The following VWA8 variants were observed in gnomAD, a reference collection of about 807,000 sequenced individuals.
VWA8 encodes the protein von Willebrand factor A domain containing 8, also known as von Willebrand factor A domain-containing protein 8.
Under a neutral mutation model 241.5 loss-of-function variants are expected in VWA8, and 221 were observed. The ratio of observed to expected loss-of-function variants is 0.91; its 90% CI spans 0.82 to 1.02. The LOEUF is 1.02. VWA8 is among the 50% of genes least tolerant of loss of function. The probability of loss-of-function intolerance (pLI) is 0.00; values close to 1 mark genes in which losing one functional copy is unlikely to be tolerated. For missense variants in VWA8, 2,322 were observed against 2,328.7 expected (o/e 1.00, Z 0.06); for synonymous variants, 852 against 827.1 (o/e 1.03, Z -0.52).
intron 2 of VWA8, among the ~76,000 whole-genome samples, chr13:41,918,211 TCAG>T (rs1876349531): frequency 6.6e-6 from 1 of 152,288 alleles, no homozygotes; most frequent in Admixed American, 6.5e-5. Flanking sequence ...ATATAAAACA[TCAG>T]CTTACGTAGC....
intron 43 of VWA8, 24 bp from the exon 44 acceptor site, chr13:41,570,730 A>G (rs1308509008): frequency 1.2e-6 from 2 of 1,600,802 alleles, no homozygotes; most frequent in South Asian, 1.1e-5. Context: ...AAGTTGCACA[A>G]AAGCCATGGC....
intron 44 of VWA8, among the ~76,000 whole-genome samples, chr13:41,569,327 C>A (rs1380148890): frequency 2.0e-5 from 3 of 152,172 alleles, no homozygotes; most frequent in Admixed American, 1.3e-4. Flanking sequence ...TTGTTGTCTG[C>A]CTAATACTGG....
intron 42 of VWA8, among the ~76,000 whole-genome samples, chr13:41,577,783 A>G (rs1010043164): frequency 1.3e-5 from 2 of 152,224 alleles, no homozygotes; most frequent in African/African-American, 4.8e-5. Context: ...CTGAGGTAAG[A>G]GGGCTATGAA....
At chr13:41,664,999 GT>G (rs2044977269) in intron 37 of VWA8, among the ~76,000 whole-genome samples, 1 of 152,074 alleles carries the variant, frequency 6.6e-6, no homozygotes, top group African/African-American at 2.4e-5. Context: ...AAGCTGACAG[GT>G]TTAGGCAAAG....
chr13:41,703,416 T>TTAC lies in VWA8; in HGVS notation c.3117-6_3117-5insGTA. The TTAC allele has an allele frequency of 1.2e-6, 2 of 1,612,704 alleles. No individual in the cohort carries two copies. The highest frequency in any genetic ancestry group is 1.7e-6 in the Non-Finnish European group (2 of 1,179,084). On this transcript the variant is annotated splice_polypyrimidine_tract_variant and splice_region_variant and intron_variant, in intron 26 of 44. Coordinates refer to ENST00000379310, the MANE Select transcript of VWA8 (RefSeq NM_015058.2). ...GTTTGTTCTGGCAGAGTCAACCTGT[T>TTAC]AAGGATGATTTGCAAAGTAAATATT...
chr13:41,918,572 T>G (rs1217179440), intron 2 of VWA8, among the ~76,000 whole-genome samples: 1 of 152,182 alleles, frequency 6.6e-6, no homozygotes, highest in African/African-American at 2.4e-5. Flanking sequence ...AATTTCTCAA[T>G]GTATATCTTT....
At chr13:41,673,932 T>C (rs2045042692) in intron 36 of VWA8, among the ~76,000 whole-genome samples, 1 of 152,074 alleles carries the variant, frequency 6.6e-6, no homozygotes, top group Admixed American at 6.6e-5. Context: ...GAGAAATGAC[T>C]ATAAATACTG....
intron 33 of VWA8, among the ~76,000 whole-genome samples, chr13:41,689,824 G>A (rs967699203): frequency 6.6e-6 from 1 of 151,704 alleles, no homozygotes; most frequent in Non-Finnish European, 1.5e-5. Context: ...GATTTTTTTC[G>A]TAAGTACTAT....
chr13:41,725,580 A>G (rs1038484111), intron 24 of VWA8, among the ~76,000 whole-genome samples: 4 of 152,176 alleles, frequency 2.6e-5, no homozygotes, highest in Admixed American at 2.0e-4. Flanking sequence ...AATGAAAGCG[A>G]GTAAAGGGCT....
intron 9 of VWA8, among the ~76,000 whole-genome samples, chr13:41,871,663 C>T (rs2138058639): frequency 6.6e-6 from 1 of 152,188 alleles, no homozygotes; most frequent in South Asian, 2.1e-4. Flanking sequence ...GCATAGTATT[C>T]CATGGTGTAT....
Position 41,692,864 on chromosome 13 carries a change from C to T in VWA8, c.3673G>A (p.Ala1225Thr). 1 of 1,607,442 alleles carries T rather than the reference C, an allele frequency of 6.2e-7. No individual in the cohort carries two copies. The highest frequency in any genetic ancestry group is 8.5e-7 in the Non-Finnish European group (1 of 1,175,832). The change falls in exon 30 of 45, where the codon GCT becomes ACT. Residue 1225 changes from alanine (A) to threonine (T), a missense_variant and splice_region_variant. Physicochemically the swap from Ala to Thr is moderately conservative, Grantham distance 58. Transcript: ENST00000379310. ...KKPFWWNKEE[A>T]ETYKMCKEFS... ...GGGACAAATGTGGTGTTTCTTACAG[C>T]TTCTTCTTTGTTCCACCAGAAAGGT...
rs201882513 is a variant in VWA8, at chr13:41,729,618, T to C, written c.2562A>G (p.Thr854=). The change falls in exon 23 of 45, where the codon ACA becomes ACG. Residue 854 remains threonine (T), a synonymous_variant. Coordinates refer to ENST00000379310, the MANE Select transcript of VWA8 (RefSeq NM_015058.2). The part of the protein sequence containing the change: ...LVVDEADKAP[T]NVTCILKTLV... ...GAGTTTTTAAAATACACGTGACATT[T>C]GTTGGAGCTTTGTCAGCCTCATCTA... 2.5e-6 allele frequency: 4 copies of C among 1,613,564 alleles called. No homozygotes were observed. Among genetic ancestry groups the C allele is most frequent in the Admixed American group, 3.3e-5 (2 of 59,984 alleles).
rs1238774354 is a variant in VWA8 at position 41,727,212 on chromosome 13, C to A, written c.2740G>T (p.Asp914Tyr). The A allele has an allele frequency of 6.5e-7, 1 of 1,546,874 alleles. No homozygotes were observed. The highest frequency in any genetic ancestry group is 8.7e-7 in the Non-Finnish European group (1 of 1,145,636). The change falls in exon 24 of 45, where the codon GAT becomes TAT. Residue 914 changes from aspartate (D) to tyrosine (Y), a missense_variant. Coordinates refer to ENST00000379310, the MANE Select transcript of VWA8 (RefSeq NM_015058.2). ...NRPGFPFLGN[D>Y]FFGTLGDIFS... is the part of the protein sequence containing the mutation. The stretch of plus-strand genomic sequence containing the variant: ...TTTTTACCTAAGGTACCGAAGAAAT[C>A]ATTGCCTAGGAAAGGAAATCCAGGT...
chr13:41,835,483 C>T (rs967110236), intron 12 of VWA8, among the ~76,000 whole-genome samples: 2 of 152,028 alleles, frequency 1.3e-5, no homozygotes. Context: ...CTCTTGATGC[C>T]AATGACAGTT....
intron 12 of VWA8, among the ~76,000 whole-genome samples, chr13:41,851,302 T>C (rs1872523847): frequency 6.6e-6 from 1 of 152,230 alleles, no homozygotes; most frequent in African/African-American, 2.4e-5. Context: ...TTTGATTTTT[T>C]AGATTTCACA....
At chr13:41,616,106 T>C (rs2044618928) in intron 37 of VWA8, among the ~76,000 whole-genome samples, 2 of 152,322 alleles carry the variant, frequency 1.3e-5, no homozygotes, top group Non-Finnish European at 2.9e-5. Context: ...GGGCCTGAAG[T>C]CAGTCTTTAG....
chr13:41,713,599 C>T (rs2045331606), intron 26 of VWA8, among the ~76,000 whole-genome samples: 1 of 152,158 alleles, frequency 6.6e-6, no homozygotes, highest in Admixed American at 6.5e-5. Context: ...CTACAGGACA[C>T]TTTTAAAGTA....
Position 41,719,424 on chromosome 13 carries a change from A to G in VWA8, c.3116+167T>C, listed in dbSNP as rs999995203. On this transcript the variant is annotated intron_variant, in intron 26 of 44. Coordinates refer to ENST00000379310, the MANE Select transcript of VWA8 (RefSeq NM_015058.2). ...AAATTTTCAATTTACAGGCCTATAA[A>G]TAATGCTATTTAACTGAAAAGCAGC... 28 of 1,451,240 alleles carry G rather than the reference A, an allele frequency of 1.9e-5. No individual in the cohort carries two copies. The Admixed American group carries it at 5.1e-4, about 26-fold the overall frequency. 89.9% of individuals were successfully genotyped at this position (1,451,240 alleles called of 1,614,324 possible). A position where few individuals can be genotyped will look rare whatever the true frequency, so the allele number is the denominator to read the frequency against.
At chr13:41,612,162 T>C (rs545261868) in intron 38 of VWA8, among the ~76,000 whole-genome samples, 1 of 152,342 alleles carries the variant, frequency 6.6e-6, no homozygotes, top group South Asian at 2.1e-4. Flanking sequence ...ACTGTTTCCC[T>C]CCCTCACATA....
Sources: allele counts gnomAD v4.1 joint callset (sites outside exome capture counted in the v4.1 genomes callset), GRCh38; gene constraint gnomAD v4.1.1; transcripts MANE v1.5; gene names NCBI Gene and HGNC (gene_info 2026-07-23, HGNC 2026-07-21).